Variants in GALNT17 observed in about 807,000 individuals in gnomAD.
GALNT17 encodes UDP-GalNAc:polypeptide N-acetylgalactosaminyltransferase-like 3.
GALNT17 carries 29 observed loss-of-function variants against 63.7 expected under a neutral mutation model. The ratio of observed to expected loss-of-function variants is 0.46; its 90% CI spans 0.34 to 0.62. The LOEUF (loss-of-function observed/expected upper bound fraction) is 0.62. GALNT17 is among the 20% of genes least tolerant of loss of function. GALNT17 has a pLI of 0.01. For synonymous variants in GALNT17, 305 were observed against 318.3 expected (o/e 0.96, Z 0.45); for missense variants, 603 against 799.6 (o/e 0.75, Z 2.97).
At chr7:71,247,372 C>G (rs2527852) in intron 1 of GALNT17, among the ~76,000 whole-genome samples, 40 of 152,220 alleles carry the variant, frequency 2.6e-4, no homozygotes, top group African/African-American at 9.4e-4. Context: ...TTGAACGATG[C>G]AGGGGTTAGA....
intron 5 of GALNT17, among the ~76,000 whole-genome samples, chr7:71,463,427 T>C (rs1052927132): frequency 6.6e-6 from 1 of 152,154 alleles, no homozygotes; most frequent in Non-Finnish European, 1.5e-5. Flanking sequence ...TTAATGCTTA[T>C]GTTACCAGAA....
chr7:71,339,803 C>G (rs770356109), intron 2 of GALNT17, among the ~76,000 whole-genome samples: 1 of 152,164 alleles, frequency 6.6e-6, no homozygotes, highest in African/African-American at 2.4e-5. Flanking sequence ...AGGGAGGAAC[C>G]CATGGCCCAA....
chr7:71,215,237 C>T (rs1282840242), intron 1 of GALNT17, among the ~76,000 whole-genome samples: 1 of 152,122 alleles, frequency 6.6e-6, no homozygotes, highest in African/African-American at 2.4e-5. Flanking sequence ...CTTGCTGGCT[C>T]CTAGGGCTTA....
rs550697342 is a variant in GALNT17, at chr7:71,613,967, CAAAA to C, written c.1080+42568_1080+42571del. Among the ~76,000 whole-genome samples, 521 of 151,884 alleles carry C rather than the reference CAAAA, an allele frequency of 3.4e-3. 2 individuals carry two copies. The highest frequency in any genetic ancestry group is 5.3e-3 in the Non-Finnish European group (360 of 67,930). ...ACCCTGTCTCTTTAAAACAAACACA[CAAAA>C]AACTCATAACATGGAGAGTCAAGAA... On this transcript the variant is annotated intron_variant, in intron 6 of 10. Transcript: ENST00000333538.
intron 9 of GALNT17, among the ~76,000 whole-genome samples, chr7:71,684,775 G>C (rs1791327601): frequency 6.6e-6 from 1 of 152,054 alleles, no homozygotes; most frequent in Non-Finnish European, 1.5e-5. Flanking sequence ...CAACCCTCCT[G>C]CTTCAGCTTC....
At chr7:71,268,412 T>C (rs1013794183) in intron 1 of GALNT17, among the ~76,000 whole-genome samples, 2 of 147,472 alleles carry the variant, frequency 1.4e-5, no homozygotes, top group African/African-American at 2.5e-5. Context: ...ATTAGCCAGG[T>C]GTGGTGGCAT....
chr7:71,564,212 G>C (rs1789300579), intron 5 of GALNT17, among the ~76,000 whole-genome samples: 1 of 150,694 alleles, frequency 6.6e-6, no homozygotes, highest in Non-Finnish European at 1.5e-5. Context: ...TCCAGCCTCT[G>C]TCAGGCTCTG....
intron 9 of GALNT17, among the ~76,000 whole-genome samples, chr7:71,698,511 A>G (rs1489525437): frequency 2.0e-5 from 3 of 152,148 alleles, no homozygotes; most frequent in Non-Finnish European, 2.9e-5. Flanking sequence ...GGGGAAGCAG[A>G]TGTTAAGATA....
chr7:71,409,601 T>C (rs915330662), intron 3 of GALNT17, among the ~76,000 whole-genome samples: 2 of 152,196 alleles, frequency 1.3e-5, no homozygotes, highest in Non-Finnish European at 2.9e-5. Context: ...GGCCAAGTCC[T>C]GGACTGGGTG....
rs202130395 is a variant in GALNT17, at chr7:71,132,940, C to T, written c.138C>T (p.Ala46=). 6.7e-5 allele frequency: 108 copies of T among 1,610,774 alleles called. No individual in the cohort carries two copies. The highest frequency in any genetic ancestry group is 8.5e-5 in the Non-Finnish European group (100 of 1,179,384). Residue 46 remains alanine, a synonymous_variant, in exon 1 of 11, where the codon GCC becomes GCT. Coordinates refer to ENST00000333538, the MANE Select transcript of GALNT17 (RefSeq NM_022479.3). ...GDAFHEIRPR[A]EVANLSAHSA... Reference sequence around the variant, plus strand: ...CCTTCCACGAGATCCGGCCGCGCGCCGAGGTGGCCAACCTCAGCGCGCACA... The same window carrying T: ...CCTTCCACGAGATCCGGCCGCGCGCTGAGGTGGCCAACCTCAGCGCGCACA...
At chr7:71,178,580 G>C (rs1290038704) in intron 1 of GALNT17, among the ~76,000 whole-genome samples, 1 of 152,006 alleles carries the variant, frequency 6.6e-6, no homozygotes, top group Non-Finnish European at 1.5e-5. Flanking sequence ...TATTTTTTAA[G>C]TCTTTTTTTC....
At chr7:71,633,890 G>A (rs573326105) in intron 6 of GALNT17, among the ~76,000 whole-genome samples, 52 of 152,312 alleles carry the variant, frequency 3.4e-4, no homozygotes, top group Non-Finnish European at 4.0e-4. Flanking sequence ...GCATTGAGAA[G>A]GGAGCCAGCC....
chr7:71,154,516 G>T (rs1180166751), intron 1 of GALNT17, among the ~76,000 whole-genome samples: 1 of 152,174 alleles, frequency 6.6e-6, no homozygotes, highest in Non-Finnish European at 1.5e-5. Context: ...TTGATAAGCT[G>T]TTTTTGATGA....
intron 5 of GALNT17, among the ~76,000 whole-genome samples, chr7:71,475,386 G>A (rs973073619): frequency 6.6e-5 from 10 of 152,148 alleles, no homozygotes; most frequent in Admixed American, 6.5e-4. Context: ...TCCCTTCTGG[G>A]GGTGATGGGA....
chr7:71,510,552 G>A (rs181318814), intron 5 of GALNT17, among the ~76,000 whole-genome samples: 101 of 152,152 alleles, frequency 6.6e-4, no homozygotes, highest in African/African-American at 2.0e-3. Flanking sequence ...CATAATCGCT[G>A]GGAGAACACG....
At chr7:71,148,888 A>ATG (rs1441249082) in intron 1 of GALNT17, among the ~76,000 whole-genome samples, 4 of 142,182 alleles carry the variant, frequency 2.8e-5, no homozygotes, top group South Asian at 4.4e-4. Context: ...ATATATATAT[A>ATG]TATATGTATA....
At chr7:71,417,257 G>T (rs556221252) in intron 4 of GALNT17, among the ~76,000 whole-genome samples, 20 of 152,120 alleles carry the variant, frequency 1.3e-4, no homozygotes, top group Non-Finnish European at 2.6e-4. Flanking sequence ...ACAACCTCTA[G>T]AATCCTTTTA....
intron 6 of GALNT17, among the ~76,000 whole-genome samples, chr7:71,585,693 G>T (rs6952924): frequency 6.6e-6 from 1 of 151,804 alleles, no homozygotes; most frequent in Non-Finnish European, 1.5e-5. Context: ...TTTGCCCACT[G>T]TATATTTACT....
chr7:71,282,098 G>A (rs1346935245), intron 1 of GALNT17, among the ~76,000 whole-genome samples: 6 of 152,136 alleles, frequency 3.9e-5, no homozygotes, highest in Non-Finnish European at 1.5e-5. Context: ...GCTTTCATGG[G>A]GACAAATCCT....
Sources: allele counts gnomAD v4.1 joint callset (sites outside exome capture counted in the v4.1 genomes callset), GRCh38; gene constraint gnomAD v4.1.1; transcripts MANE v1.5; gene names NCBI Gene and HGNC (gene_info 2026-07-23, HGNC 2026-07-21).